The following POC1A variants were observed in gnomAD, a reference collection of about 807,000 sequenced individuals.
POC1A encodes POC1 centriolar protein homolog A.
A neutral mutation model predicts 47.8 loss-of-function variants in POC1A; 34 were observed. The ratio of observed to expected loss-of-function variants is 0.71; its 90% CI spans 0.54 to 0.95. The LOEUF is 0.95. Ranked by LOEUF, POC1A falls within the 40% of genes least tolerant of loss-of-function variation. POC1A has a pLI of 0.00. For synonymous variants in POC1A, 177 were observed against 207.6 expected (o/e 0.85, Z 1.27); for missense variants, 466 against 528.3 (o/e 0.88, Z 1.16).
At chr3:52,138,340 C>T (rs1322482513) in intron 6 of POC1A, 38 bp from the exon 7 acceptor site, 2 of 1,583,984 alleles carry the variant, frequency 1.3e-6, no homozygotes, top group African/African-American at 1.3e-5. Flanking sequence ...GGCTAGGAGG[C>T]ACAGGGAGCA....
chr3:52,095,536 CCTGGCTTTAA>C (rs1288082164), intron 10 of POC1A, among the ~76,000 whole-genome samples: 1 of 152,186 alleles, frequency 6.6e-6, no homozygotes, highest in Non-Finnish European at 1.5e-5. Context: ...TCCCCCACCC[CCTGGCTTTAA>C]CACCTCTTTT....
chr3:52,104,805 C>T (rs1703117739), intron 9 of POC1A, among the ~76,000 whole-genome samples: 1 of 152,192 alleles, frequency 6.6e-6, no homozygotes, highest in African/African-American at 2.4e-5. Flanking sequence ...GCAGGGCCTC[C>T]CAAGCAGCAG....
rs768712874 is a variant in POC1A, at chr3:52,096,701, G to A, written c.993C>T (p.Asp331=). 12 of 1,588,742 alleles carry A rather than the reference G, an allele frequency of 7.6e-6. No individual in the cohort carries two copies. Among genetic ancestry groups the A allele is most frequent in the Non-Finnish European group, 1.0e-5 (12 of 1,171,676 alleles). ...TGCCTCTGCCTGGGGGGACAGGGAAGTCCACTTCTGGCTAAAGACAGAAAG... is the reference window on the plus strand; with the variant it reads ...TGCCTCTGCCTGGGGGGACAGGGAAATCCACTTCTGGCTAAAGACAGAAAG... ...ASSMGNLPEV[D]FPVPPGRGRS... Residue 331 remains aspartate, a synonymous_variant, in exon 10 of 11, where the codon GAC becomes GAT. Coordinates refer to ENST00000296484, the MANE Select transcript of POC1A (RefSeq NM_015426.5).
chr3:52,098,219 C>A (rs978357477), intron 9 of POC1A, among the ~76,000 whole-genome samples: 2 of 152,178 alleles, frequency 1.3e-5, no homozygotes, highest in Admixed American at 6.5e-5. Context: ...TTCCAGAGGA[C>A]CCCCTAGCAG....
chr3:52,138,033 G>A, intron 7 of POC1A, 136 bp downstream of exon 7: 1 of 914,226 alleles, frequency 1.1e-6, no homozygotes, highest in Non-Finnish European at 1.7e-6. Context: ...AATCTGCCCA[G>A]GTCACATGGA....
intron 6 of POC1A, among the ~76,000 whole-genome samples, chr3:52,138,896 C>T (rs1322103010): frequency 1.3e-5 from 2 of 152,166 alleles, no homozygotes; most frequent in African/African-American, 4.8e-5. Context: ...TGCAGTGGTG[C>T]GACCTCAGCT....
intron 9 of POC1A, among the ~76,000 whole-genome samples, chr3:52,108,406 A>G (rs1263361869): frequency 6.6e-6 from 1 of 152,188 alleles, no homozygotes; most frequent in African/African-American, 2.4e-5. Flanking sequence ...TCTCAGTGAC[A>G]AAGAGGAACA....
At chr3:52,082,462 G>A (rs1702330763) in intron 10 of POC1A, among the ~76,000 whole-genome samples, 1 of 152,152 alleles carries the variant, frequency 6.6e-6, no homozygotes, top group African/African-American at 2.4e-5. Flanking sequence ...TAGGAGCTCG[G>A]ACCAGGTGGT....
At chr3:52,148,859 A>G (rs1698458165) in intron 4 of POC1A, among the ~76,000 whole-genome samples, 1 of 152,240 alleles carries the variant, frequency 6.6e-6, no homozygotes, top group African/African-American at 2.4e-5. Context: ...AACTGTCTTA[A>G]GGAACAAAAA....
chr3:52,125,389 CT>C (rs1472254407), intron 7 of POC1A, among the ~76,000 whole-genome samples: 3 of 152,164 alleles, frequency 2.0e-5, no homozygotes, highest in Non-Finnish European at 2.9e-5. Context: ...TTCCTGAGCA[CT>C]ACAACAGGGA....
intron 9 of POC1A, among the ~76,000 whole-genome samples, chr3:52,118,098 G>A (rs1431848967): frequency 6.6e-6 from 1 of 152,178 alleles, no homozygotes; most frequent in East Asian, 1.9e-4. Context: ...ATTCCCAGGG[G>A]CTCCCATCCC....
At chr3:52,137,091 A>G (rs1218593740) in intron 7 of POC1A, among the ~76,000 whole-genome samples, 4 of 152,040 alleles carry the variant, frequency 2.6e-5, no homozygotes, top group African/African-American at 9.7e-5. Flanking sequence ...GCCAGCAGCC[A>G]CCCCCTCTGG....
At chr3:52,123,930 A>G (rs545760201) in intron 8 of POC1A, among the ~76,000 whole-genome samples, 64 of 152,296 alleles carry the variant, frequency 4.2e-4, no homozygotes, top group Middle Eastern at 6.8e-3. Flanking sequence ...CTCAGGAGTC[A>G]CTTTTGCCTT....
chr3:52,096,518 G>A (rs113379090), intron 10 of POC1A, 51 bp downstream of exon 10: 18 of 1,455,800 alleles, frequency 1.2e-5, no homozygotes, highest in African/African-American at 2.9e-5. Context: ...GTCCAAATGC[G>A]GGACCAAGTG....
intron 6 of POC1A, among the ~76,000 whole-genome samples, chr3:52,145,095 G>A (rs1698320754): frequency 6.6e-6 from 1 of 152,136 alleles, no homozygotes. Flanking sequence ...TTTCTCCAAT[G>A]ACCCCTCACC....
chr3:52,086,002 T>C (rs1702447188), intron 10 of POC1A, among the ~76,000 whole-genome samples: 1 of 151,884 alleles, frequency 6.6e-6, no homozygotes, highest in African/African-American at 2.4e-5. Context: ...TTTGGGAGGG[T>C]GTGAGCCATT....
intron 6 of POC1A, among the ~76,000 whole-genome samples, chr3:52,139,783 A>C (rs561617927): frequency 3.3e-5 from 5 of 152,214 alleles, no homozygotes; most frequent in Non-Finnish European, 7.3e-5. Context: ...CAGAAGCCCC[A>C]GCAGGTTACA....
chr3:52,145,436 T>C (rs2107188116), intron 6 of POC1A, among the ~76,000 whole-genome samples: 1 of 152,312 alleles, frequency 6.6e-6, no homozygotes, highest in Non-Finnish European at 1.5e-5. Flanking sequence ...CTGTTCCCTT[T>C]ACCACAGGTC....
chr3:52,101,805 A>G (rs1703013458), intron 9 of POC1A, among the ~76,000 whole-genome samples: 1 of 152,234 alleles, frequency 6.6e-6, no homozygotes, highest in African/African-American at 2.4e-5. Context: ...GATATTTCTT[A>G]TAATACAAAT....
Sources: allele counts gnomAD v4.1 joint callset (sites outside exome capture counted in the v4.1 genomes callset), GRCh38; gene constraint gnomAD v4.1.1; transcripts MANE v1.5; gene names NCBI Gene and HGNC (gene_info 2026-07-23, HGNC 2026-07-21).